PRRX1: variants seen among roughly 807,000 people sequenced by gnomAD.
PRRX1 encodes the protein paired related homeobox 1.
A neutral mutation model predicts 24.0 loss-of-function variants in PRRX1; 8 were observed. That is an observed-to-expected ratio of 0.33 (90% confidence interval 0.20 to 0.60). The LOEUF is 0.60. Among genes scored for constraint, PRRX1 ranks in the 20% least tolerant of loss-of-function variants. The pLI, the probability that PRRX1 is intolerant of heterozygous loss-of-function variation, is 0.82. For synonymous variants in PRRX1, 160 were observed against 131.7 expected, an observed-to-expected ratio of 1.22 and a Z score of -1.47; for missense variants, 281 against 322.4, an observed-to-expected ratio of 0.87 and a Z score of 0.98.
intron 2 of PRRX1, among the ~76,000 whole-genome samples, chr1:170,721,253 T>G (rs909227799): frequency 9.2e-5 from 14 of 152,254 alleles, no homozygotes; most frequent in African/African-American, 3.4e-4. Context: ...AGATGCTGTT[T>G]TGATAAGGTG....
chr1:170,697,687 T>C (rs1654215495), intron 1 of PRRX1, among the ~76,000 whole-genome samples: 1 of 147,974 alleles, frequency 6.8e-6, no homozygotes, highest in African/African-American at 2.5e-5. Flanking sequence ...TGCATATATA[T>C]ACATATACAA....
intron 1 of PRRX1, among the ~76,000 whole-genome samples, chr1:170,713,249 T>C (rs1455963080): frequency 3.3e-5 from 5 of 152,182 alleles, no homozygotes; most frequent in African/African-American, 9.7e-5. Flanking sequence ...AGATTCATCA[T>C]CACACGGAAA....
At chr1:170,715,683 A>T (rs887896097) in intron 1 of PRRX1, among the ~76,000 whole-genome samples, 1 of 152,224 alleles carries the variant, frequency 6.6e-6, no homozygotes, top group African/African-American at 2.4e-5. Context: ...TTGATGAAGC[A>T]AGGACTTATG....
At chr1:170,681,505 A>C (rs1653506925) in intron 1 of PRRX1, among the ~76,000 whole-genome samples, 3 of 151,788 alleles carry the variant, frequency 2.0e-5, no homozygotes, top group East Asian at 3.9e-4. Context: ...AAAAAAAAAA[A>C]CCCTCTTAAT....
At chr1:170,681,349 G>A (rs1318059614) in intron 1 of PRRX1, among the ~76,000 whole-genome samples, 1 of 152,154 alleles carries the variant, frequency 6.6e-6, no homozygotes, top group African/African-American at 2.4e-5. Context: ...CCAGTGGCTA[G>A]AAAATTGGAA....
In PRRX1 at chr1:170,719,818, G is replaced by C; in HGVS notation, c.334G>C (p.Val112Leu). 1.2e-6 allele frequency: 2 copies of C among 1,614,216 alleles called. No individual in the cohort carries two copies. The highest frequency in any genetic ancestry group is 1.7e-6 in the Non-Finnish European group (2 of 1,180,046). ...NSSQLQALERVFERTHYPDAF... is the reference protein window; with the variant it reads ...NSSQLQALERLFERTHYPDAF... ...CAGCCAGCTGCAGGCTTTGGAGCGT[G>C]TCTTTGAGCGGACACACTATCCTGA... is the stretch of plus-strand genomic sequence containing the variant. Residue 112 changes from valine to leucine, a missense_variant, in exon 2 of 4, where the codon GTC (valine) becomes CTC (leucine). Val to Leu is a conservative substitution (Grantham distance 32). Transcript: ENST00000239461.
intron 1 of PRRX1, among the ~76,000 whole-genome samples, chr1:170,718,002 G>A (rs1654961156): frequency 6.6e-6 from 1 of 152,160 alleles, no homozygotes; most frequent in African/African-American, 2.4e-5. Context: ...ACCAAAGCTG[G>A]GCCCTGAGGT....
chr1:170,664,180 G>A lies in PRRX1; in HGVS notation c.-39G>A. On this transcript the variant is annotated 5_prime_UTR_variant, in exon 1 of 4. Coordinates refer to ENST00000239461, the MANE Select transcript of PRRX1 (RefSeq NM_022716.4). ...CCCACAGCGTTTGGTGTTGATTCGA[G>A]CGGGAAGAGGGGGGTGGGTGGGATC... 1 of 1,589,028 alleles carries A rather than the reference G, an allele frequency of 6.3e-7. No individual in the cohort carries two copies.
At position 170,695,831 on chromosome 1, in the gene PRRX1, G is replaced by C. The variant is rs759804045; in HGVS notation, c.242-23895G>C. On this transcript the variant is annotated intron_variant, in intron 1 of 3. Transcript: ENST00000239461. The stretch of plus-strand genomic sequence containing the variant: ...TTTTCTCTTTTCTCTTCTTTTCCTG[G>C]GTATGCTTTTTTTCCCCCCCTCTCT... Among the ~76,000 whole-genome samples, 3 of 54,948 alleles carry C rather than the reference G, an allele frequency of 5.5e-5. No individual in the cohort carries two copies. The Admixed American group carries it at 5.8e-4, about 11-fold the overall frequency. The allele number at this position is 54,948 out of a possible 152,430, so 36.0% of individuals were successfully genotyped here.
At chr1:170,664,822 G>A (rs1652861893) in intron 1 of PRRX1, among the ~76,000 whole-genome samples, 1 of 152,236 alleles carries the variant, frequency 6.6e-6, no homozygotes, top group African/African-American at 2.4e-5. Flanking sequence ...TCTTAGCGGG[G>A]TGCAAACTCA....
chr1:170,711,666 C>A (rs1282859181), intron 1 of PRRX1, among the ~76,000 whole-genome samples: 1 of 152,096 alleles, frequency 6.6e-6, no homozygotes, highest in Non-Finnish European at 1.5e-5. Flanking sequence ...CTGGTAATGG[C>A]AAGATTGATG....
At chr1:170,686,549 G>C (rs1393809976) in intron 1 of PRRX1, among the ~76,000 whole-genome samples, 1 of 152,172 alleles carries the variant, frequency 6.6e-6, no homozygotes, top group Non-Finnish European at 1.5e-5. Context: ...TCTAGCCTTA[G>C]GGGGTAGCTG....
At chr1:170,719,223 G>A (rs60542172) in intron 1 of PRRX1, among the ~76,000 whole-genome samples, 2,588 of 152,318 alleles carry the variant, frequency 0.017, 77 homozygotes, top group African/African-American at 0.058. Context: ...TCCCTGTAAT[G>A]TGGTTTGAAC....
At chr1:170,690,503 G>A (rs1018607477) in intron 1 of PRRX1, among the ~76,000 whole-genome samples, 1 of 152,072 alleles carries the variant, frequency 6.6e-6, no homozygotes, top group South Asian at 2.1e-4. Context: ...GTGCGTATGA[G>A]AAAGTCAGTT....
chr1:170,665,981 C>T (rs377029753), intron 1 of PRRX1, among the ~76,000 whole-genome samples: 2 of 152,236 alleles, frequency 1.3e-5, no homozygotes, highest in Non-Finnish European at 2.9e-5. Context: ...GAGACAGAGA[C>T]GTTCTCTTTA....
chr1:170,722,484 T>G (rs537930281), intron 2 of PRRX1: 1 of 152,334 alleles, frequency 6.6e-6, no homozygotes, highest in Non-Finnish European at 1.5e-5. Context: ...ATGTTTGGAC[T>G]GGGGTGGAGA....
intron 1 of PRRX1, among the ~76,000 whole-genome samples, chr1:170,688,930 G>A (rs1031004469): frequency 4.0e-5 from 6 of 151,868 alleles, no homozygotes; most frequent in Non-Finnish European, 8.8e-5. Context: ...GCATCTTTTG[G>A]TTTTTAGTTC....
intron 1 of PRRX1, among the ~76,000 whole-genome samples, chr1:170,690,274 G>A (rs1415087218): frequency 6.6e-6 from 1 of 152,052 alleles, no homozygotes; most frequent in Non-Finnish European, 1.5e-5. Context: ...TAAATCAGCT[G>A]CATGTTATGG....
At chr1:170,683,696 A>T (rs1653631977) in intron 1 of PRRX1, among the ~76,000 whole-genome samples, 1 of 152,228 alleles carries the variant, frequency 6.6e-6, no homozygotes, top group African/African-American at 2.4e-5. Context: ...GTTCTGCTTT[A>T]AATTCTGCAA....
Sources: allele counts gnomAD v4.1 joint callset (sites outside exome capture counted in the v4.1 genomes callset), GRCh38; gene constraint gnomAD v4.1.1; transcripts MANE v1.5; gene names NCBI Gene and HGNC (gene_info 2026-07-23, HGNC 2026-07-21).